The following GRIN2B variants were observed in gnomAD, a reference collection of about 807,000 sequenced individuals.
GRIN2B encodes the protein glutamate receptor ionotropic, NMDA 2B.
GRIN2B carries 5 observed loss-of-function variants against 114.5 expected under a neutral mutation model. That is an observed-to-expected ratio of 0.04 (90% CI 0.02 to 0.09). GRIN2B has a LOEUF of 0.09. GRIN2B is among the 10% of genes least tolerant of loss of function. GRIN2B has a pLI of 1.00. For missense variants in GRIN2B, 1,108 were observed against 1,943.5 expected (o/e 0.57, Z 8.08); for synonymous variants, 787 against 745.1 (o/e 1.06, Z -0.92).
chr12:13,862,007 C>T (rs1287744362), intron 3 of GRIN2B, among the ~76,000 whole-genome samples: 2 of 152,146 alleles, frequency 1.3e-5, no homozygotes, highest in South Asian at 2.1e-4. Flanking sequence ...AGGAAACAAA[C>T]GTTGAGAGTC....
chr12:13,873,075 T>G (rs10492140), intron 2 of GRIN2B, among the ~76,000 whole-genome samples: 6,677 of 152,296 alleles, frequency 0.044, 207 homozygotes, highest in Admixed American at 0.07. Flanking sequence ...ATAATGAAAC[T>G]GTGCTATGAA....
chr12:13,587,468 C>A (rs1374146430), intron 10 of GRIN2B, among the ~76,000 whole-genome samples: 1 of 151,818 alleles, frequency 6.6e-6, no homozygotes, highest in Non-Finnish European at 1.5e-5. Context: ...GATCTTCCCA[C>A]CTCAGCCTCC....
chr12:13,922,730 G>C (rs537785715), intron 2 of GRIN2B, among the ~76,000 whole-genome samples: 15 of 152,182 alleles, frequency 9.9e-5, no homozygotes, highest in Non-Finnish European at 1.8e-4. Flanking sequence ...GGCTTTGCCT[G>C]CTGGGCACCT....
At chr12:13,671,145 G>T (rs1950018575) in intron 5 of GRIN2B, among the ~76,000 whole-genome samples, 1 of 152,092 alleles carries the variant, frequency 6.6e-6, no homozygotes, top group Admixed American at 6.6e-5. Flanking sequence ...TGTGCCATTT[G>T]ATTTTTTACC....
chr12:13,747,301 A>C (rs1324961737), intron 4 of GRIN2B, among the ~76,000 whole-genome samples: 1 of 152,214 alleles, frequency 6.6e-6, no homozygotes, highest in Admixed American at 6.5e-5. Flanking sequence ...TCATTTACTG[A>C]AATGACCATC....
chr12:13,865,755 C>G, intron 3 of GRIN2B, 43 bp downstream of exon 3: 1 of 1,488,766 alleles, frequency 6.7e-7, no homozygotes. Flanking sequence ...GTTTAGTCCT[C>G]AGCACAAACC....
At chr12:13,789,786 C>G (rs914221033) in intron 3 of GRIN2B, among the ~76,000 whole-genome samples, 1 of 152,002 alleles carries the variant, frequency 6.6e-6, no homozygotes, top group African/African-American at 2.4e-5. Flanking sequence ...CCCCCATAAC[C>G]ACTGATATCA....
At chr12:13,879,044 T>A (rs893160212) in intron 2 of GRIN2B, among the ~76,000 whole-genome samples, 3 of 152,126 alleles carry the variant, frequency 2.0e-5, no homozygotes, top group Non-Finnish European at 4.4e-5. Context: ...CATGAAAAAA[T>A]TGAGTTTTAG....
At chr12:13,691,367 A>T (rs1389476328) in intron 4 of GRIN2B, among the ~76,000 whole-genome samples, 2 of 152,214 alleles carry the variant, frequency 1.3e-5, no homozygotes, top group African/African-American at 2.4e-5. Context: ...CCAGGACATG[A>T]TGAAGTAGTT....
At chr12:13,724,457 G>T (rs979741485) in intron 4 of GRIN2B, among the ~76,000 whole-genome samples, 2 of 152,130 alleles carry the variant, frequency 1.3e-5, no homozygotes, top group African/African-American at 4.8e-5. Flanking sequence ...ACTCCTTGCA[G>T]AGATGCCTAT....
intron 2 of GRIN2B, among the ~76,000 whole-genome samples, chr12:13,878,752 G>C (rs1167380511): frequency 2.0e-5 from 3 of 152,156 alleles, no homozygotes; most frequent in South Asian, 2.1e-4. Context: ...ATGGTCTCCA[G>C]GTGCCTGGTC....
At chr12:13,621,613 GTTTTTTTTTTT>G (rs869106790) in intron 5 of GRIN2B, among the ~76,000 whole-genome samples, 2 of 72,402 alleles carry the variant, frequency 2.8e-5, no homozygotes, top group African/African-American at 1.1e-4. Flanking sequence ...CCTAGTTTTT[GTTTTTTTTTTT>G]TTTTTTTTTT....
chr12:13,600,388 C>A (rs371934720), intron 10 of GRIN2B, among the ~76,000 whole-genome samples: 1 of 152,180 alleles, frequency 6.6e-6, no homozygotes, highest in Non-Finnish European at 1.5e-5. Flanking sequence ...AAGTCTTCTA[C>A]GCACATGGGA....
At chr12:13,571,712 A>G in intron 11 of GRIN2B, 92 bp downstream of exon 11, 1 of 1,301,878 alleles carries the variant, frequency 7.7e-7, no homozygotes, top group Non-Finnish European at 1.1e-6. Flanking sequence ...TTATGATACC[A>G]AGCATGGTAT....
At chr12:13,834,468 C>T (rs369047017) in intron 3 of GRIN2B, among the ~76,000 whole-genome samples, 3 of 152,066 alleles carry the variant, frequency 2.0e-5, no homozygotes, top group East Asian at 3.9e-4. Context: ...CATCTTTGAC[C>T]TACATGTGAC....
At chr12:13,769,229 C>T (rs1863860681) in intron 3 of GRIN2B, among the ~76,000 whole-genome samples, 1 of 152,080 alleles carries the variant, frequency 6.6e-6, no homozygotes, top group South Asian at 2.1e-4. Flanking sequence ...GTTTAGTCCC[C>T]TGGCCTGAGA....
At chr12:13,775,553 CAAG>C (rs1341502466) in intron 3 of GRIN2B, among the ~76,000 whole-genome samples, 1 of 152,106 alleles carries the variant, frequency 6.6e-6, no homozygotes, top group Non-Finnish European at 1.5e-5. Context: ...TATCTGATGT[CAAG>C]AAGAAGATAG....
intron 5 of GRIN2B, among the ~76,000 whole-genome samples, chr12:13,667,340 C>T (rs1479242893): frequency 1.3e-5 from 2 of 152,140 alleles, no homozygotes; most frequent in African/African-American, 2.4e-5. Flanking sequence ...GACAGCCTTC[C>T]ACCAGACTGC....
chr12:13,964,871 CAGG>C (rs1372192228), intron 2 of GRIN2B, among the ~76,000 whole-genome samples: 2 of 152,200 alleles, frequency 1.3e-5, no homozygotes, highest in Non-Finnish European at 2.9e-5. Context: ...CATTCCTCAG[CAGG>C]AGCTCAGCCT....
Sources: gnomAD v4.1 joint callset for allele counts (sites outside exome capture counted in the v4.1 genomes callset) on GRCh38, gnomAD v4.1.1 for gene constraint, MANE v1.5 for transcripts, NCBI Gene and HGNC (gene_info 2026-07-23, HGNC 2026-07-21) for gene names.